SQSTM1: variants seen among roughly 807,000 people sequenced by gnomAD.
SQSTM1 encodes sequestosome 1.
SQSTM1 carries 36 observed loss-of-function variants against 45.1 expected under a neutral mutation model. That is an observed-to-expected ratio of 0.80 (90% CI 0.61 to 1.05). The LOEUF is 1.05. Among genes scored for constraint, SQSTM1 ranks in the 50% least tolerant of loss-of-function variants. SQSTM1 has a pLI of 0.00. For synonymous variants in SQSTM1, 290 were observed against 244.3 expected, an observed-to-expected ratio of 1.19 and a Z score of -1.74; for missense variants, 617 against 607.1, an observed-to-expected ratio of 1.02 and a Z score of -0.17.
At chr5:179,819,333 C>G (rs1247264256), upstream of SQSTM1, among the ~76,000 whole-genome samples, 6 of 150,234 alleles carry the variant, frequency 4.0e-5, no homozygotes, top group Non-Finnish European at 7.4e-5. Context: ...CCCGCCCCCC[C>G]CCCAGTCTCT....
At chr5:179,813,147 T>C (rs780670618) in intron 2 of SQSTM1, 1 of 152,176 alleles carries the variant, frequency 6.6e-6, no homozygotes, top group Non-Finnish European at 1.5e-5. Context: ...GTTTCATTCA[T>C]AGCAAATGTT....
At position 179,836,815 on chromosome 5, in the gene SQSTM1, C is replaced by T. The variant is rs1377231209; in HGVS notation, c.*222C>T. The T allele has an allele frequency of 1.4e-6, 1 of 724,630 alleles. No homozygotes were observed. Among genetic ancestry groups the T allele is most frequent in the East Asian group, 2.7e-5 (1 of 37,284 alleles). 44.9% of individuals were successfully genotyped at this position (724,630 alleles called of 1,614,324 possible). A position where few individuals can be genotyped will look rare whatever the true frequency, so the allele number is the denominator to read the frequency against. On this transcript the variant is annotated 3_prime_UTR_variant, in exon 8 of 8. Coordinates refer to ENST00000389805, the MANE Select transcript of SQSTM1 (RefSeq NM_003900.5). ...TCCTGGGTGCCCTGGCTCCTTGCAG[C>T]AGGGCTGGGCCTGCGAGACCCAAGG...
upstream of SQSTM1, among the ~76,000 whole-genome samples, chr5:179,815,965 G>A (rs753044258): frequency 1.2e-4 from 18 of 149,772 alleles, no homozygotes; most frequent in Non-Finnish European, 2.1e-4. Context: ...GGGTGCACAG[G>A]GACTCGCAGG....
chr5:179,827,319 T>G (rs911146389), intron 5 of SQSTM1, among the ~76,000 whole-genome samples: 8 of 152,150 alleles, frequency 5.3e-5, no homozygotes, highest in South Asian at 2.1e-4. Flanking sequence ...TTTTTTTTTC[T>G]GAGACGGAGT....
intron 1 of SQSTM1, among the ~76,000 whole-genome samples, chr5:179,809,155 C>CTTTTT: frequency 1.0e-5 from 1 of 100,226 alleles, no homozygotes; most frequent in Non-Finnish European, 2.0e-5. Flanking sequence ...CCACCCCGGC[C>CTTTTT]TTTTTTTTTT....
chr5:179,835,557 G>A (rs545810629), intron 7 of SQSTM1: 26 of 157,648 alleles, frequency 1.6e-4, no homozygotes, highest in African/African-American at 4.6e-4. Flanking sequence ...GTGGCGGCGC[G>A]CACCTGCAAT....
chr5:179,834,235 GT>G (rs1732884349), intron 7 of SQSTM1, among the ~76,000 whole-genome samples: 1 of 90,576 alleles, frequency 1.1e-5, no homozygotes, highest in African/African-American at 5.2e-5. Context: ...GCAGGCAGCA[GT>G]GGGGGGGTGG....
chr5:179,810,550 A>G (rs576133627), intron 1 of SQSTM1, among the ~76,000 whole-genome samples: 1,943 of 152,260 alleles, frequency 0.013, 33 homozygotes, highest in African/African-American at 0.041. Flanking sequence ...AGTCTTTGCT[A>G]TTGTGAATAG....
At chr5:179,812,570 T>A (rs1314321169) in intron 2 of SQSTM1, 1 of 152,250 alleles carries the variant, frequency 6.6e-6, no homozygotes, top group Non-Finnish European at 1.5e-5. Context: ...CCGTCTATGG[T>A]TTCAGCCATT....
Position 179,837,522 on chromosome 5 carries a change from C to G in SQSTM1, c.*929C>G. 1 of 1,614,214 alleles carries G rather than the reference C, an allele frequency of 6.2e-7. No individual in the cohort carries two copies. The highest frequency in any genetic ancestry group is 8.5e-7 in the Non-Finnish European group (1 of 1,180,028). ...GTCCTTGCGTCCCATGAGGTCTTCC[C>G]GCAAGGCCTCTCAGACCCAGATGTG... On this transcript the variant is annotated 3_prime_UTR_variant, in exon 8 of 8. Coordinates refer to ENST00000389805, the MANE Select transcript of SQSTM1 (RefSeq NM_003900.5).
chr5:179,820,714 A>G (rs1757739329), upstream of SQSTM1: 1 of 469,136 alleles, frequency 2.1e-6, no homozygotes, highest in Non-Finnish European at 3.7e-6. Context: ...GGGGTCAGCA[A>G]TGAGGGGGCC....
Position 179,823,042 on chromosome 5 carries a change from T to C in SQSTM1, c.290T>C (p.Ile97Thr). The C allele has an allele frequency of 6.2e-7, 1 of 1,614,046 alleles. No individual in the cohort carries two copies. Among genetic ancestry groups the C allele is most frequent in the African/African-American group, 1.3e-5 (1 of 75,036 alleles). Residue 97 changes from isoleucine to threonine, a missense_variant, in exon 2 of 8, where the codon ATC (isoleucine) becomes ACC (threonine). Ile to Thr is a moderately conservative substitution (Grantham distance 89, BLOSUM62 -1). Transcript: ENST00000389805. ...TACGTGAAGGATGACATCTTCCGAA[T>C]CTACATTAAAGGTAAGGGGCTGCTC... ...MSYVKDDIFR[I>T]YIKEKKECRR... is the part of the protein sequence containing the mutation.
chr5:179,816,066 G>A (rs1023301864), upstream of SQSTM1, among the ~76,000 whole-genome samples: 3 of 152,186 alleles, frequency 2.0e-5, no homozygotes, highest in Non-Finnish European at 4.4e-5. Flanking sequence ...GGGGACTGCG[G>A]TAAGTACCCG....
upstream of SQSTM1, among the ~76,000 whole-genome samples, chr5:179,816,779 A>C (rs1420591911): frequency 4.0e-5 from 6 of 148,550 alleles, no homozygotes; most frequent in Non-Finnish European, 7.5e-5. Flanking sequence ...CCCCCTCCCT[A>C]CTCCTTGTCG....
intron 5 of SQSTM1, among the ~76,000 whole-genome samples, chr5:179,829,654 G>A (rs901240319): frequency 6.6e-6 from 1 of 152,182 alleles, no homozygotes; most frequent in African/African-American, 2.4e-5. Flanking sequence ...ATTGTCTCAA[G>A]GAGATATTCC....
chr5:179,819,998 G>C (rs1042503788), upstream of SQSTM1: 24 of 152,698 alleles, frequency 1.6e-4, no homozygotes, highest in Admixed American at 1.5e-3. Flanking sequence ...ACAGGACCTT[G>C]CCTGGGAGGC....
rs1241285995 is a variant in SQSTM1, at chr5:179,821,094, C to T, written c.158C>T (p.Ala53Val). The T allele has an allele frequency of 2.1e-6, 3 of 1,443,136 alleles. No individual in the cohort carries two copies. The highest frequency in any genetic ancestry group is 2.7e-6 in the Non-Finnish European group (3 of 1,100,864). The allele number at this position is 1,443,136 out of a possible 1,614,324, so 89.4% of individuals were successfully genotyped here. The change falls in exon 1 of 8, where the codon GCC (alanine) becomes GTC (valine). Residue 53 changes from alanine (A) to valine (V), a missense_variant. Coordinates refer to ENST00000389805, the MANE Select transcript of SQSTM1 (RefSeq NM_003900.5). ...GAGCGGCTGCTGAGCCGGGTGGCCG[C>T]CCTGTTCCCCGCGCTGCGGCCTGGC... Reference protein sequence around the residue: ...PCERLLSRVAALFPALRPGGF... With the variant: ...PCERLLSRVAVLFPALRPGGF...
Position 179,836,978 on chromosome 5 carries a change from C to T in SQSTM1, c.*385C>T. ...CTGACATTTAGTTGATTATTTTCTG[C>T]TACAGACCTGGTACACTCTGATTTT... On this transcript the variant is annotated 3_prime_UTR_variant, in exon 8 of 8. Coordinates refer to ENST00000389805, the MANE Select transcript of SQSTM1 (RefSeq NM_003900.5). The T allele has an allele frequency of 1.6e-6, 1 of 608,594 alleles. No homozygotes were observed. The allele number at this position is 608,594 out of a possible 1,614,324, so 37.7% of individuals were successfully genotyped here.
intron 1 of SQSTM1, 59 bp downstream of exon 1, chr5:179,821,200 C>T (rs1757761308): frequency 8.4e-6 from 11 of 1,305,204 alleles, no homozygotes; most frequent in Non-Finnish European, 9.8e-7. Flanking sequence ...CCTCCTGCCG[C>T]GGGGTGGCTG....
Sources: gnomAD v4.1 joint callset for allele counts (sites outside exome capture counted in the v4.1 genomes callset) on GRCh38, gnomAD v4.1.1 for gene constraint, MANE v1.5 for transcripts, NCBI Gene and HGNC (gene_info 2026-07-23, HGNC 2026-07-21) for gene names.